The following CFAP299 variants were observed in gnomAD, a reference collection of about 807,000 sequenced individuals.
CFAP299 encodes cilia- and flagella-associated protein 299.
In CFAP299, 21 loss-of-function variants were observed where a neutral mutation model predicts 27.0. The observed-to-expected ratio is 0.78, with a 90% CI of 0.55 to 1.12. CFAP299 has a LOEUF of 1.12. CFAP299 is among the 50% of genes most tolerant of loss of function. The pLI is 0.00. For synonymous variants in CFAP299, 104 were observed against 98.1 expected, an observed-to-expected ratio of 1.06 and a Z score of -0.36; for missense variants, 310 against 276.6, an observed-to-expected ratio of 1.12 and a Z score of -0.86.
At chr4:80,860,518 T>C (rs1397295987) in intron 3 of CFAP299, among the ~76,000 whole-genome samples, 1 of 152,132 alleles carries the variant, frequency 6.6e-6, no homozygotes, top group Non-Finnish European at 1.5e-5. Flanking sequence ...TCTGCTCTGT[T>C]TTTTCCCCAT....
At chr4:80,607,443 A>G (rs1737739216) in intron 3 of CFAP299, among the ~76,000 whole-genome samples, 1 of 152,102 alleles carries the variant, frequency 6.6e-6, no homozygotes. Flanking sequence ...CATCAGTGAG[A>G]CAGAGAGAGA....
Position 80,567,628 on chromosome 4 carries a change from A to G in CFAP299, c.243-15465A>G, listed in dbSNP as rs147102416. Among the ~76,000 whole-genome samples, 562 of 151,916 alleles carry G rather than the reference A, an allele frequency of 3.7e-3. 1 individual carries two copies. Among genetic ancestry groups the G allele is most frequent in the Admixed American group, 0.014 (213 of 15,216 alleles). The stretch of plus-strand genomic sequence containing the variant: ...ATAATCTCTCAGAGATTAAAGGCGG[A>G]TTGTCTGTTGAATTGATGCTCAAAG... On this transcript the variant is annotated intron_variant, in intron 2 of 5. Transcript: ENST00000358105.
chr4:80,673,314 G>A (rs1434247803), intron 3 of CFAP299, among the ~76,000 whole-genome samples: 3 of 152,124 alleles, frequency 2.0e-5, no homozygotes, highest in Non-Finnish European at 4.4e-5. Context: ...ATGTAGTTGA[G>A]CGGTTTTGAG....
chr4:80,593,660 T>C (rs1736900109), intron 3 of CFAP299, among the ~76,000 whole-genome samples: 1 of 152,216 alleles, frequency 6.6e-6, no homozygotes, highest in African/African-American at 2.4e-5. Context: ...GCTATTGGCT[T>C]CATTGATTTT....
chr4:80,639,448 T>C (rs962157964), intron 3 of CFAP299, among the ~76,000 whole-genome samples: 1 of 152,198 alleles, frequency 6.6e-6, no homozygotes, highest in Non-Finnish European at 1.5e-5. Flanking sequence ...GTTTAATTTG[T>C]GAGGAATCCC....
chr4:80,862,067 C>T (rs1732409797), intron 3 of CFAP299, among the ~76,000 whole-genome samples: 1 of 152,082 alleles, frequency 6.6e-6, no homozygotes. Flanking sequence ...ATTTCACCGG[C>T]AATTCAAAAT....
chr4:80,891,312 T>C (rs1307279207), intron 4 of CFAP299, among the ~76,000 whole-genome samples: 4 of 151,418 alleles, frequency 2.6e-5, no homozygotes, highest in Admixed American at 6.6e-5. Flanking sequence ...ATTTATTAAA[T>C]AGGGAATCCT....
intron 2 of CFAP299, among the ~76,000 whole-genome samples, chr4:80,391,700 G>C (rs1329439998): frequency 6.6e-6 from 1 of 152,172 alleles, no homozygotes; most frequent in Non-Finnish European, 1.5e-5. Flanking sequence ...GGGTGTGGTG[G>C]CTCATGCCTT....
In CFAP299 at chr4:80,576,722, T is replaced by C. The variant is rs184432013; in HGVS notation, c.243-6371T>C. On this transcript the variant is annotated intron_variant, in intron 2 of 5. Transcript: ENST00000358105. ...CTACTGTTTTTCACTTTGCTCTTCA[T>C]TAATTTTTTCCAAACTAAGTATACA... is the stretch of plus-strand genomic sequence containing the variant. Among the ~76,000 whole-genome samples, 140 of 152,344 alleles carry C rather than the reference T, an allele frequency of 9.2e-4. No individual in the cohort carries two copies. The South Asian group carries it at 0.018, about 20-fold the overall frequency.
chr4:80,847,832 T>G (rs1396762317), intron 3 of CFAP299, among the ~76,000 whole-genome samples: 1 of 152,212 alleles, frequency 6.6e-6, no homozygotes, highest in African/African-American at 2.4e-5. Context: ...AAGATTATTT[T>G]GTTGGCCTTT....
intron 2 of CFAP299, among the ~76,000 whole-genome samples, chr4:80,401,371 C>T (rs1425909170): frequency 6.6e-6 from 1 of 152,102 alleles, no homozygotes. Context: ...GTGGACTGGG[C>T]CCAGGGTTCT....
intron 1 of CFAP299, among the ~76,000 whole-genome samples, chr4:80,353,987 G>A (rs1443282564): frequency 6.6e-6 from 1 of 152,128 alleles, no homozygotes; most frequent in African/African-American, 2.4e-5. Flanking sequence ...GAACTATTAA[G>A]AGTTTCAGGA....
chr4:80,322,685 T>C, the CFAP299 span, among the ~76,000 whole-genome samples: 7 of 152,094 alleles, frequency 4.6e-5, no homozygotes, highest in African/African-American at 1.7e-4. Flanking sequence ...ATCATTTCAG[T>C]AGGAAAAGGT....
At chr4:80,461,393 T>C (rs1013957358) in intron 2 of CFAP299, among the ~76,000 whole-genome samples, 1 of 152,158 alleles carries the variant, frequency 6.6e-6, no homozygotes, top group African/African-American at 2.4e-5. Flanking sequence ...TTTCAGGGTC[T>C]GCTGTCTGGA....
chr4:80,578,737 G>A (rs999635423), intron 2 of CFAP299, among the ~76,000 whole-genome samples: 13 of 152,116 alleles, frequency 8.5e-5, no homozygotes, highest in Middle Eastern at 3.2e-3. Context: ...AAATGTGGTT[G>A]TTTGGACTAA....
chr4:80,405,782 G>T (rs957618707), intron 2 of CFAP299, among the ~76,000 whole-genome samples: 11 of 152,116 alleles, frequency 7.2e-5, no homozygotes, highest in African/African-American at 2.4e-4. Flanking sequence ...TATAAAACTG[G>T]GACTGATTCT....
At chr4:80,772,865 A>G (rs141469562) in intron 3 of CFAP299, among the ~76,000 whole-genome samples, 2 of 152,306 alleles carry the variant, frequency 1.3e-5, no homozygotes, top group East Asian at 3.9e-4. Flanking sequence ...TTGGGCATAT[A>G]CCCAAAGGAT....
rs557753858 is a variant in CFAP299 at position 80,707,308 on chromosome 4, AAAG to A, written c.333+124134_333+124136del. Among the ~76,000 whole-genome samples, 371 of 152,132 alleles carry A rather than the reference AAAG, an allele frequency of 2.4e-3. 1 individual carries two copies. The highest frequency in any genetic ancestry group is 8.4e-3 in the African/African-American group (350 of 41,528). ...TGTTGAAATGGTTAAGAAATAATCA[AAAG>A]AAGAAGAATATTTTATGACACATGA... On this transcript the variant is annotated intron_variant, in intron 3 of 5. Transcript: ENST00000358105.
rs1181556161 is a variant in CFAP299 at position 80,844,606 on chromosome 4, T to G, written c.334-25387T>G. 2.1e-5 allele frequency among the ~76,000 whole-genome samples: 3 copies of G among 141,782 alleles called. No homozygotes were observed. In the East Asian group the frequency reaches 5.8e-4, roughly 27 times the overall value. The allele number at this position is 141,782 out of a possible 152,430, so 93.0% of individuals were successfully genotyped here. A position where few individuals can be genotyped will look rare whatever the true frequency, so the allele number is the denominator to read the frequency against. On this transcript the variant is annotated intron_variant, in intron 3 of 5. Transcript: ENST00000358105. Reference sequence around the variant, plus strand: ...GCCCACTTTTTGATGGGGTTGTTTGTTTTTTTCTTGTAAATTTGTTTGAGT... The same window carrying G: ...GCCCACTTTTTGATGGGGTTGTTTGGTTTTTTCTTGTAAATTTGTTTGAGT...
Sources: gnomAD v4.1 joint callset for allele counts (sites outside exome capture counted in the v4.1 genomes callset) on GRCh38, gnomAD v4.1.1 for gene constraint, MANE v1.5 for transcripts, NCBI Gene and HGNC (gene_info 2026-07-23, HGNC 2026-07-21) for gene names.